Variants in WDR41 observed in about 807,000 individuals in gnomAD.
WDR41 encodes WD repeat-containing protein 41.
A neutral mutation model predicts 69.3 loss-of-function variants in WDR41; 63 were observed. That is an observed-to-expected ratio of 0.91 (90% CI 0.74 to 1.12). The LOEUF is 1.12. Among genes scored for constraint, WDR41 ranks in the 50% most tolerant of loss-of-function variants. The probability of loss-of-function intolerance (pLI) is 0.00; values close to 1 mark genes in which losing one functional copy is unlikely to be tolerated. For missense variants in WDR41, 543 were observed against 534.5 expected, an observed-to-expected ratio of 1.02 and a Z score of -0.16; for synonymous variants, 185 against 192.1, an observed-to-expected ratio of 0.96 and a Z score of 0.31.
At chr5:77,501,633 C>T (rs1374921471) in intron 1 of WDR41, among the ~76,000 whole-genome samples, 1 of 152,194 alleles carries the variant, frequency 6.6e-6, no homozygotes, top group East Asian at 1.9e-4. Flanking sequence ...TAGGGGCTGA[C>T]AGACACCTCA....
At chr5:77,515,201 T>C (rs141744368) in intron 1 of WDR41, among the ~76,000 whole-genome samples, 32 of 152,286 alleles carry the variant, frequency 2.1e-4, no homozygotes, top group African/African-American at 7.0e-4. Context: ...AAAAATGTTT[T>C]CTTTATATAC....
intron 1 of WDR41, among the ~76,000 whole-genome samples, chr5:77,557,078 T>C (rs769404369): frequency 3.3e-5 from 5 of 152,138 alleles, no homozygotes; most frequent in Admixed American, 6.6e-5. Flanking sequence ...AAACAAAAAA[T>C]TCCTTGTGGA....
intron 12 of WDR41, among the ~76,000 whole-genome samples, chr5:77,435,585 C>T (rs1298626330): frequency 6.6e-6 from 1 of 152,202 alleles, no homozygotes. Context: ...TGTTCTTTGG[C>T]TATGAAACAG....
At chr5:77,449,611 C>T (rs979933543) in intron 8 of WDR41, 149 bp downstream of exon 8, 2 of 597,764 alleles carry the variant, frequency 3.3e-6, no homozygotes, top group East Asian at 3.0e-5. Context: ...TCAGCTCCAC[C>T]GGCTAAAACT....
chr5:77,453,987 G>T, intron 5 of WDR41, 59 bp from the exon 6 acceptor site: 2 of 1,349,276 alleles, frequency 1.5e-6, no homozygotes, highest in Non-Finnish European at 1.1e-6. Context: ...ATTGTTCAGT[G>T]GTTTAAAAAT....
intron 1 of WDR41, among the ~76,000 whole-genome samples, chr5:77,502,353 G>A (rs541129642): frequency 4.6e-5 from 7 of 152,140 alleles, no homozygotes; most frequent in Non-Finnish European, 1.0e-4. Flanking sequence ...CAAAGCCTCC[G>A]AGAAATATGG....
At chr5:77,574,399 A>G (rs1483948389) in intron 1 of WDR41, among the ~76,000 whole-genome samples, 1 of 152,184 alleles carries the variant, frequency 6.6e-6, no homozygotes, top group Non-Finnish European at 1.5e-5. Flanking sequence ...TTCCACACCA[A>G]GCTCCTGGAG....
At chr5:77,605,442 G>T (rs1744397206) in intron 1 of WDR41, among the ~76,000 whole-genome samples, 1 of 152,234 alleles carries the variant, frequency 6.6e-6, no homozygotes, top group Non-Finnish European at 1.5e-5. Context: ...GTGGTGTGTG[G>T]TGGAAGTTGC....
At position 77,433,289 on chromosome 5, in the gene WDR41, T is replaced by C. The variant is rs1184866196; in HGVS notation, c.1228-2A>G. On this transcript the variant is annotated splice_acceptor_variant, in intron 12 of 12. Coordinates refer to ENST00000296679, the MANE Select transcript of WDR41 (RefSeq NM_018268.4). LOFTEE classifies it high-confidence loss of function. ...ATGATCTTCAAAGTATAGAAACATC[T>C]GTAAAGAAAATTAAAACTGATTATA... is the stretch of plus-strand genomic sequence containing the variant. The C allele has an allele frequency of 8.1e-6, 13 of 1,608,450 alleles. No individual in the cohort carries two copies. The highest frequency in any genetic ancestry group is 1.1e-5 in the Non-Finnish European group (13 of 1,178,404).
At chr5:77,575,494 T>C (rs1023125879) in intron 1 of WDR41, among the ~76,000 whole-genome samples, 3 of 152,216 alleles carry the variant, frequency 2.0e-5, no homozygotes, top group African/African-American at 7.2e-5. Flanking sequence ...CTTTATCATA[T>C]AGCAGAAACT....
At chr5:77,454,182 C>T (rs757426028) in intron 5 of WDR41, among the ~76,000 whole-genome samples, 1 of 152,128 alleles carries the variant, frequency 6.6e-6, no homozygotes, top group Non-Finnish European at 1.5e-5. Context: ...TCTTGGATCA[C>T]GTGCTCTAAG....
chr5:77,566,214 T>C (rs1212385293), intron 1 of WDR41, among the ~76,000 whole-genome samples: 2 of 152,114 alleles, frequency 1.3e-5, no homozygotes, highest in African/African-American at 2.4e-5. Context: ...CATGGAATCA[T>C]AGAACATGAG....
intron 2 of WDR41, among the ~76,000 whole-genome samples, chr5:77,478,198 A>G (rs1393419832): frequency 1.3e-5 from 2 of 152,196 alleles, no homozygotes; most frequent in East Asian, 1.9e-4. Flanking sequence ...TTACCAACCA[A>G]AAAGAGTCCA....
Position 77,545,748 on chromosome 5 carries a change from G to A in WDR41, c.43-56176C>T, listed in dbSNP as rs183911728. 1,118 of 618,748 alleles carry A rather than the reference G, an allele frequency of 1.8e-3. 17 individuals carry two copies. In the African/African-American group the frequency reaches 0.019, roughly 10 times the overall value. 38.3% of individuals were successfully genotyped at this position (618,748 alleles called of 1,614,324 possible). A position where few individuals can be genotyped will look rare whatever the true frequency, so the allele number is the denominator to read the frequency against. On this transcript the variant is annotated intron_variant, in intron 1 of 5. Coordinates refer to the WDR41 transcript ENST00000509971. ...CTGGCCAGTGCACCAGGTTCAAGGC[G>A]TTTGTTGCCTTGACTACATTGGGGA...
chr5:77,481,784 C>CAAAAAAA (rs61463461), intron 2 of WDR41, among the ~76,000 whole-genome samples: 6 of 87,392 alleles, frequency 6.9e-5, no homozygotes, highest in African/African-American at 2.6e-4. Context: ...GACTCCGTCT[C>CAAAAAAA]AAAAAAAAAA....
intron 2 of WDR41, among the ~76,000 whole-genome samples, chr5:77,474,602 C>T (rs1800807783): frequency 6.6e-6 from 1 of 152,120 alleles, no homozygotes; most frequent in African/African-American, 2.4e-5. Context: ...TTAATTAGAT[C>T]TACTTCAACA....
chr5:77,526,479 A>G (rs1177623704), intron 1 of WDR41, among the ~76,000 whole-genome samples: 2 of 152,110 alleles, frequency 1.3e-5, no homozygotes, highest in African/African-American at 2.4e-5. Flanking sequence ...GTAGTATTCT[A>G]TATTTGGATT....
chr5:77,508,622 C>T (rs940331383), intron 1 of WDR41, among the ~76,000 whole-genome samples: 23 of 152,146 alleles, frequency 1.5e-4, no homozygotes, highest in Non-Finnish European at 3.1e-4. Context: ...ATGGGTCACA[C>T]CTTCCTGTTT....
intron 1 of WDR41, among the ~76,000 whole-genome samples, chr5:77,572,611 G>T (rs1285734350): frequency 6.6e-6 from 1 of 152,050 alleles, no homozygotes; most frequent in Non-Finnish European, 1.5e-5. Context: ...AATAAATGAA[G>T]CCAAGATCAA....
Sources: allele counts gnomAD v4.1 joint callset (sites outside exome capture counted in the v4.1 genomes callset), GRCh38; gene constraint gnomAD v4.1.1; transcripts MANE v1.5; gene names NCBI Gene and HGNC (gene_info 2026-07-23, HGNC 2026-07-21).